AGBL1: variants seen among roughly 807,000 people sequenced by gnomAD.
AGBL1 encodes cytosolic carboxypeptidase 4.
Under a neutral mutation model 118.9 loss-of-function variants are expected in AGBL1, and 130 were observed. The ratio of observed to expected loss-of-function variants is 1.09; its 90% CI spans 0.95 to 1.26. The LOEUF (loss-of-function observed/expected upper bound fraction) is 1.26. Ranked by LOEUF, AGBL1 falls within the 50% of genes most tolerant of loss-of-function variation. The pLI, the probability that AGBL1 is intolerant of heterozygous loss-of-function variation, is 0.00. For missense variants in AGBL1, 1,584 were observed against 1,298.1 expected (o/e 1.22, Z -3.38); for synonymous variants, 555 against 478.9 (o/e 1.16, Z -2.08).
chr15:86,841,848 AAAAAAT>A (rs759176447), intron 22 of AGBL1, among the ~76,000 whole-genome samples: 1 of 152,144 alleles, frequency 6.6e-6, no homozygotes, highest in Non-Finnish European at 1.5e-5. Context: ...ACTCCATCTC[AAAAAAT>A]AAAAATAAAA....
chr15:86,962,023 C>A (rs909131673), intron 23 of AGBL1, among the ~76,000 whole-genome samples: 4 of 152,086 alleles, frequency 2.6e-5, no homozygotes, highest in Non-Finnish European at 5.9e-5. Flanking sequence ...CTAAACAAAT[C>A]TCTTGTGATG....
chr15:86,480,104 G>T (rs1237531720), intron 18 of AGBL1, among the ~76,000 whole-genome samples: 2 of 151,994 alleles, frequency 1.3e-5, no homozygotes, highest in South Asian at 2.1e-4. Context: ...GGAGAGGGGG[G>T]AGGGATAGCA....
At position 86,204,621 on chromosome 15, in the gene AGBL1, A is replaced by T. The variant is rs141539170; in HGVS notation, c.489-20293A>T. Among the ~76,000 whole-genome samples the T allele has an allele frequency of 2.1e-3, 322 of 151,354 alleles. 2 individuals are homozygous for T. The highest frequency in any genetic ancestry group is 7.4e-3 in the African/African-American group (306 of 41,170). The stretch of plus-strand genomic sequence containing the variant: ...TTTTGTTTTTTTGAGACGGAGTCTC[A>T]CTCTATCACCCAGGCTGGAGTGCAG... On this transcript the variant is annotated intron_variant, in intron 5 of 22. Transcript: ENST00000614907.
At chr15:86,193,601 A>C (rs1372596029) in intron 5 of AGBL1, among the ~76,000 whole-genome samples, 1 of 152,158 alleles carries the variant, frequency 6.6e-6, no homozygotes, top group East Asian at 1.9e-4. Flanking sequence ...GGGGGACTGC[A>C]TCTGTGAGTC....
At chr15:86,868,697 C>G (rs571920217) in intron 22 of AGBL1, among the ~76,000 whole-genome samples, 1 of 152,298 alleles carries the variant, frequency 6.6e-6, no homozygotes, top group African/African-American at 2.4e-5. Context: ...AAGAGAAAAT[C>G]TTCATTCTGT....
intron 22 of AGBL1, among the ~76,000 whole-genome samples, chr15:86,838,702 G>C (rs1295121993): frequency 6.6e-6 from 1 of 151,906 alleles, no homozygotes; most frequent in African/African-American, 2.4e-5. Context: ...CACTTTGAGA[G>C]GCCGAGGCAG....
At chr15:86,716,243 C>T (rs1483397277) in intron 22 of AGBL1, among the ~76,000 whole-genome samples, 2 of 152,244 alleles carry the variant, frequency 1.3e-5, no homozygotes, top group East Asian at 1.9e-4. Context: ...ATGCTATACA[C>T]TGCAGAGTGT....
intron 22 of AGBL1, among the ~76,000 whole-genome samples, chr15:86,814,091 G>T (rs1243517330): frequency 6.6e-6 from 1 of 152,114 alleles, no homozygotes; most frequent in Non-Finnish European, 1.5e-5. Flanking sequence ...GTACCAGTCT[G>T]GTCCATGGCC....
intron 18 of AGBL1, among the ~76,000 whole-genome samples, chr15:86,506,001 A>G (rs893034945): frequency 2.0e-5 from 3 of 152,088 alleles, no homozygotes; most frequent in African/African-American, 4.8e-5. Flanking sequence ...TGCAGCCATT[A>G]AAGTCTTTGC....
intron 17 of AGBL1, among the ~76,000 whole-genome samples, chr15:86,370,229 A>T (rs1424043380): frequency 2.6e-5 from 4 of 152,120 alleles, no homozygotes; most frequent in African/African-American, 4.8e-5. Flanking sequence ...CACTCTGGGT[A>T]AATCATGTGT....
downstream of AGBL1, among the ~76,000 whole-genome samples, chr15:86,917,537 A>C: frequency 6.6e-6 from 1 of 152,234 alleles, no homozygotes; most frequent in South Asian, 2.1e-4. The surrounding 1 kb of genome is among the most constrained non-coding windows in gnomAD (Gnocchi z 4.8). Flanking sequence ...GACAGACAGC[A>C]GTGACCTAGC....
At chr15:86,287,740 A>T (rs1048994534) in intron 16 of AGBL1, among the ~76,000 whole-genome samples, 1 of 152,204 alleles carries the variant, frequency 6.6e-6, no homozygotes, top group African/African-American at 2.4e-5. Context: ...TGAAACAAAC[A>T]GATTTAATAA....
chr15:86,562,238 C>T (rs2083835886), intron 21 of AGBL1, among the ~76,000 whole-genome samples: 1 of 152,174 alleles, frequency 6.6e-6, no homozygotes, highest in Non-Finnish European at 1.5e-5. Flanking sequence ...AAAGGGAATG[C>T]TTCCAGTTTT....
chr15:86,931,633 A>C (rs2080606429), intron 23 of AGBL1, among the ~76,000 whole-genome samples: 1 of 141,134 alleles, frequency 7.1e-6, no homozygotes, highest in South Asian at 2.3e-4. Context: ...GTATTGATCA[A>C]TTCCATGCTA....
intron 1 of AGBL1, among the ~76,000 whole-genome samples, chr15:86,126,599 A>T (rs1898447465): frequency 6.6e-6 from 1 of 152,160 alleles, no homozygotes; most frequent in Non-Finnish European, 1.5e-5. Context: ...TTATCCATAT[A>T]CTCTTATCCA....
At position 86,674,253 on chromosome 15, in the gene AGBL1, A is replaced by C; in HGVS notation, c.2995-20A>C. On this transcript the variant is annotated intron_variant, in intron 21 of 22. Transcript: ENST00000614907. The stretch of plus-strand genomic sequence containing the variant: ...CTCCCATTATACGTTGCCACAGTTA[A>C]TGCTTTGTTTAACTGGCAGGGTCTA... The C allele has an allele frequency of 6.3e-7, 1 of 1,599,512 alleles. No homozygotes were observed. The highest frequency in any genetic ancestry group is 1.7e-4 in the Middle Eastern group (1 of 6,026).
At chr15:86,212,535 T>A (rs556741878) in intron 5 of AGBL1, among the ~76,000 whole-genome samples, 5 of 152,372 alleles carry the variant, frequency 3.3e-5, no homozygotes, top group African/African-American at 1.2e-4. Context: ...AACATGTGTG[T>A]TAATGAGAAT....
At chr15:87,029,840 C>G (rs754271908), downstream of AGBL1, among the ~76,000 whole-genome samples, 1 of 151,822 alleles carries the variant, frequency 6.6e-6, no homozygotes, top group East Asian at 1.9e-4. Context: ...AACACATGCA[C>G]ACACAAAAGC....
At chr15:86,364,982 TATATATACACACACAC>T (rs2080861793) in intron 17 of AGBL1, among the ~76,000 whole-genome samples, 1 of 81,526 alleles carries the variant, frequency 1.2e-5, no homozygotes, top group Non-Finnish European at 2.9e-5. Flanking sequence ...TATATATATA[TATATATACACACACAC>T]ATATATATAT....
Sources: gnomAD v4.1 joint callset for allele counts (sites outside exome capture counted in the v4.1 genomes callset) on GRCh38, gnomAD v4.1.1 for gene constraint, Gnocchi (gnomAD v3.1) non-coding constraint, MANE v1.5 for transcripts, NCBI Gene and HGNC (gene_info 2026-07-23, HGNC 2026-07-21) for gene names.